ADCY1: variants seen among roughly 807,000 people sequenced by gnomAD.
ADCY1 encodes adenylate cyclase type 1.
In ADCY1, 28 loss-of-function variants were observed where a neutral mutation model predicts 105.4. The ratio of observed to expected loss-of-function variants is 0.27; its 90% CI spans 0.20 to 0.36. The LOEUF (loss-of-function observed/expected upper bound fraction) is 0.36. Ranked by LOEUF, ADCY1 falls within the 10% of genes least tolerant of loss-of-function variation. The pLI, the probability that ADCY1 is intolerant of heterozygous loss-of-function variation, is 1.00. For synonymous variants in ADCY1, 655 were observed against 623.8 expected, an observed-to-expected ratio of 1.05 and a Z score of -0.75; for missense variants, 977 against 1,434.2, an observed-to-expected ratio of 0.68 and a Z score of 5.15.
At chr7:45,654,856 AG>A (rs1289966591) in intron 5 of ADCY1, among the ~76,000 whole-genome samples, 2 of 152,096 alleles carry the variant, frequency 1.3e-5, no homozygotes, top group African/African-American at 2.4e-5. Context: ...TTTTACAGTT[AG>A]GGAAACTGAG....
intron 4 of ADCY1, among the ~76,000 whole-genome samples, chr7:45,630,725 A>T (rs943877320): frequency 1.3e-5 from 2 of 152,164 alleles, no homozygotes; most frequent in Non-Finnish European, 2.9e-5. Context: ...ATAAGGATAC[A>T]GGTCATTGTA....
chr7:45,634,758 A>G (rs1051073319), intron 4 of ADCY1, among the ~76,000 whole-genome samples: 5 of 152,170 alleles, frequency 3.3e-5, no homozygotes, highest in Non-Finnish European at 2.9e-5. Context: ...TTGACTTTCA[A>G]TATTTTCAAC....
intron 1 of ADCY1, among the ~76,000 whole-genome samples, chr7:45,592,305 A>C (rs930817318): frequency 6.6e-6 from 1 of 152,056 alleles, no homozygotes; most frequent in African/African-American, 2.4e-5. Context: ...TGGGCTACAG[A>C]CAGCCGCCTT....
chr7:45,611,855 T>G (rs1011700224), intron 3 of ADCY1, among the ~76,000 whole-genome samples: 6 of 152,172 alleles, frequency 3.9e-5, no homozygotes, highest in African/African-American at 1.2e-4. Context: ...CTGGTTCTTC[T>G]GGATGTTGGT....
At chr7:45,649,130 T>G (rs1027928439) in intron 5 of ADCY1, among the ~76,000 whole-genome samples, 2 of 152,220 alleles carry the variant, frequency 1.3e-5, no homozygotes, top group South Asian at 2.1e-4. Flanking sequence ...ACAGAAAGGT[T>G]TGGCCCCAAT....
At chr7:45,655,685 C>T (rs550987858) in intron 5 of ADCY1, among the ~76,000 whole-genome samples, 36 of 152,196 alleles carry the variant, frequency 2.4e-4, no homozygotes, top group Admixed American at 9.2e-4. Flanking sequence ...AACATGGTGG[C>T]GTGGATTTGG....
intron 1 of ADCY1, among the ~76,000 whole-genome samples, chr7:45,579,014 C>T (rs1164935768): frequency 2.0e-5 from 3 of 152,180 alleles, no homozygotes; most frequent in African/African-American, 7.2e-5. Flanking sequence ...ACAGAAATCA[C>T]GATTATCACG....
intron 3 of ADCY1, among the ~76,000 whole-genome samples, chr7:45,619,052 A>C (rs919842930): frequency 6.6e-6 from 1 of 152,184 alleles, no homozygotes; most frequent in Non-Finnish European, 1.5e-5. Flanking sequence ...AAATTCTGTC[A>C]TTTGTGTCAA....
chr7:45,619,296 T>C (rs1175831281), intron 3 of ADCY1, among the ~76,000 whole-genome samples: 3 of 152,142 alleles, frequency 2.0e-5, no homozygotes, highest in Non-Finnish European at 4.4e-5. Context: ...TATTGTTCTA[T>C]AGCATGTAGG....
intron 3 of ADCY1, among the ~76,000 whole-genome samples, chr7:45,615,021 A>C (rs943246353): frequency 6.6e-6 from 1 of 152,218 alleles, no homozygotes; most frequent in African/African-American, 2.4e-5. Flanking sequence ...CTATAGACTA[A>C]ATAGACCTAA....
intron 4 of ADCY1, among the ~76,000 whole-genome samples, chr7:45,643,434 A>T (rs561278770): frequency 6.6e-6 from 1 of 152,158 alleles, no homozygotes; most frequent in East Asian, 1.9e-4. Flanking sequence ...GCTCAAAATA[A>T]CATTGCCAAT....
At chr7:45,662,805 C>A (rs543603175) in intron 8 of ADCY1, among the ~76,000 whole-genome samples, 6 of 152,314 alleles carry the variant, frequency 3.9e-5, no homozygotes, top group Non-Finnish European at 8.8e-5. Flanking sequence ...GATTCCCCAC[C>A]CCCGGACCCC....
At position 45,717,325 on chromosome 7, in the gene ADCY1, C is replaced by A. The variant is rs1411517905; in HGVS notation, c.*3330C>A. 6.6e-6 allele frequency: 1 copy of A among 152,428 alleles called. No individual in the cohort carries two copies. The highest frequency in any genetic ancestry group is 1.5e-5 in the Non-Finnish European group (1 of 68,036). The allele number at this position is 152,428 out of a possible 1,614,324, so 9.4% of individuals were successfully genotyped here. ...ATCTCCATCATCAGCAACTCCAAAC[C>A]CCAGCCACTTCCTGGGAGTTCAGGA... On this transcript the variant is annotated 3_prime_UTR_variant, in exon 20 of 20. Coordinates refer to ENST00000297323, the MANE Select transcript of ADCY1 (RefSeq NM_021116.4).
chr7:45,651,068 A>G (rs989215248), intron 5 of ADCY1, among the ~76,000 whole-genome samples: 9 of 152,100 alleles, frequency 5.9e-5, no homozygotes, highest in African/African-American at 1.9e-4. Flanking sequence ...CCCTAGTGCC[A>G]GGGGCATCTT....
intron 8 of ADCY1, among the ~76,000 whole-genome samples, chr7:45,675,182 A>G (rs986966252): frequency 1.3e-5 from 2 of 152,094 alleles, no homozygotes; most frequent in South Asian, 2.1e-4. Context: ...TGATTTATAT[A>G]TAGTATATCT....
chr7:45,696,849 A>G (rs1023144496), intron 14 of ADCY1, among the ~76,000 whole-genome samples: 6 of 152,286 alleles, frequency 3.9e-5, no homozygotes, highest in African/African-American at 1.4e-4. Context: ...TGCTGCTGCT[A>G]ATCAAGGGAG....
At chr7:45,665,724 T>C (rs949443772) in intron 8 of ADCY1, among the ~76,000 whole-genome samples, 1 of 152,234 alleles carries the variant, frequency 6.6e-6, no homozygotes, top group Non-Finnish European at 1.5e-5. Flanking sequence ...TTTCACTAGG[T>C]GACAGACTTT....
intron 4 of ADCY1, among the ~76,000 whole-genome samples, chr7:45,623,529 A>G (rs1286385221): frequency 2.0e-5 from 3 of 152,224 alleles, no homozygotes; most frequent in Admixed American, 6.5e-5. Flanking sequence ...GAGCTGCAGA[A>G]GCCAACAGAC....
chr7:45,651,604 G>C (rs893496771), intron 5 of ADCY1, among the ~76,000 whole-genome samples: 2 of 152,128 alleles, frequency 1.3e-5, no homozygotes, highest in African/African-American at 4.8e-5. Flanking sequence ...GATTCTGTTT[G>C]CTCCCCGCCA....
Sources: allele counts gnomAD v4.1 joint callset (sites outside exome capture counted in the v4.1 genomes callset), GRCh38; gene constraint gnomAD v4.1.1; transcripts MANE v1.5; gene names NCBI Gene and HGNC (gene_info 2026-07-23, HGNC 2026-07-21).